KDM1A: variants seen among roughly 807,000 people sequenced by gnomAD.
KDM1A encodes the protein lysine demethylase 1A.
Under a neutral mutation model 109.4 loss-of-function variants are expected in KDM1A, and 49 were observed. That is an observed-to-expected ratio of 0.45 (90% CI 0.36 to 0.57). KDM1A has a LOEUF of 0.57. Ranked by LOEUF, KDM1A falls within the 20% of genes least tolerant of loss-of-function variation. The probability of loss-of-function intolerance (pLI) is 0.00; values close to 1 mark genes in which losing one functional copy is unlikely to be tolerated. For missense variants in KDM1A, 668 were observed against 1,116.6 expected (o/e 0.60, Z 5.73); for synonymous variants, 380 against 415.4 (o/e 0.91, Z 1.04).
In KDM1A at chr1:23,083,336, T is replaced by A; in HGVS notation, c.2603T>A (p.Val868Asp). The A allele has an allele frequency of 3.7e-6, 6 of 1,613,626 alleles. No homozygotes were observed. Among genetic ancestry groups the A allele is most frequent in the Non-Finnish European group, 5.1e-6 (6 of 1,179,878 alleles). ...YTLPRQATPG[V>D]PAQQSPSM ...CTGCCTCGCCAGGCCACACCAGGTG[T>A]TCCTGCACAGCAGTCCCCAAGCATG... Residue 868 changes from valine (V) to aspartate (D), a missense_variant, in exon 21 of 21, where the codon GTT becomes GAT. Around this residue, in one of 8 missense-constraint regions of KDM1A, gnomAD observed 69 missense variants for 99.6 expected, o/e 0.69. Coordinates refer to ENST00000400181, the MANE Select transcript of KDM1A (RefSeq NM_001009999.3).
At chr1:23,063,623 C>T (rs1300119418) in intron 9 of KDM1A, among the ~76,000 whole-genome samples, 2 of 152,150 alleles carry the variant, frequency 1.3e-5, no homozygotes, top group Non-Finnish European at 2.9e-5. Context: ...TCATGCCTTC[C>T]TTTAATGGTC....
rs981661791 is a variant in KDM1A at position 23,030,406 on chromosome 1, A to G, written c.352-63A>G. ...CAATTTACATTGACTGATGGTTCCA[A>G]ATAGAGTCCCTAATTTTAAATGTTC... On this transcript the variant is annotated intron_variant, in intron 1 of 20. Transcript: ENST00000400181. The G allele has an allele frequency of 6.3e-6, 8 of 1,260,888 alleles. 1 individual carries two copies. In the South Asian group the frequency reaches 1.3e-4, roughly 20 times the overall value. 78.1% of individuals were successfully genotyped at this position (1,260,888 alleles called of 1,614,324 possible).
At chr1:23,057,182 G>C (rs1305696870) in intron 7 of KDM1A, among the ~76,000 whole-genome samples, 1 of 152,190 alleles carries the variant, frequency 6.6e-6, no homozygotes, top group Non-Finnish European at 1.5e-5. Flanking sequence ...ACTGGATAGA[G>C]TGGTACCTGT....
intron 3 of KDM1A, among the ~76,000 whole-genome samples, chr1:23,044,769 A>G (rs1166339203): frequency 1.3e-5 from 2 of 152,126 alleles, no homozygotes; most frequent in Non-Finnish European, 2.9e-5. Context: ...AGTAAACATG[A>G]TATAGAACAT....
In KDM1A at chr1:23,055,135, T is replaced by A. The variant is rs1642789722; in HGVS notation, c.857T>A (p.Ile286Asn). Residue 286 changes from isoleucine (I) to asparagine (N), a missense_variant, in exon 6 of 21, where the codon ATC becomes AAC. Physicochemically the swap from Ile to Asn is moderately radical, Grantham distance 149. Coordinates refer to ENST00000400181, the MANE Select transcript of KDM1A (RefSeq NM_001009999.3). The part of the protein sequence containing the change: ...LERHGLINFG[I>N]YKRIKPLPTK... The stretch of plus-strand genomic sequence containing the variant: ...CGTCATGGTCTTATCAACTTCGGCA[T>A]CTATAAGAGGATAAAACCCCTACCA... 6.2e-7 allele frequency: 1 copy of A among 1,611,238 alleles called. No individual in the cohort carries two copies.
intron 3 of KDM1A, among the ~76,000 whole-genome samples, chr1:23,047,395 G>A (rs1447204659): frequency 6.6e-6 from 1 of 152,218 alleles, no homozygotes; most frequent in East Asian, 1.9e-4. Context: ...TTTCTTAGAT[G>A]CTGTTTAGAA....
chr1:23,045,926 A>G (rs962266184), intron 3 of KDM1A, among the ~76,000 whole-genome samples: 1 of 152,184 alleles, frequency 6.6e-6, no homozygotes, highest in Middle Eastern at 3.2e-3. Flanking sequence ...TAAGAGATCA[A>G]CATTCTTCTC....
intron 1 of KDM1A, among the ~76,000 whole-genome samples, chr1:23,025,531 T>A (rs1641769650): frequency 6.6e-6 from 1 of 152,070 alleles, no homozygotes; most frequent in Admixed American, 6.6e-5. Context: ...GGTTTCACCA[T>A]GTTGGTAAGG....
chr1:23,051,548 AT>A (rs1642670869), intron 4 of KDM1A, among the ~76,000 whole-genome samples: 1 of 151,922 alleles, frequency 6.6e-6, no homozygotes, highest in Non-Finnish European at 1.5e-5. Flanking sequence ...GTTCTTTTTC[AT>A]TTCTTGGATT....
chr1:23,065,282 G>C (rs2235549), intron 9 of KDM1A, among the ~76,000 whole-genome samples: 22 of 151,990 alleles, frequency 1.4e-4, no homozygotes, highest in African/African-American at 5.3e-4. Context: ...GTAGTTTGGG[G>C]TTGTTGGGAT....
intron 1 of KDM1A, among the ~76,000 whole-genome samples, chr1:23,025,658 A>G (rs1641774109): frequency 6.6e-6 from 1 of 152,190 alleles, no homozygotes; most frequent in South Asian, 2.1e-4. Flanking sequence ...AGAATAATTA[A>G]GAAATAATCT....
At chr1:23,073,269 T>G in intron 14 of KDM1A, 23 bp from the exon 15 acceptor site, 1 of 1,199,506 alleles carries the variant, frequency 8.3e-7, no homozygotes, top group Non-Finnish European at 1.2e-6. Context: ...TTAATAATCC[T>G]GTAGTCCTTT....
At chr1:23,028,915 T>A (rs1437965791) in intron 1 of KDM1A, among the ~76,000 whole-genome samples, 2 of 152,192 alleles carry the variant, frequency 1.3e-5, no homozygotes, top group Non-Finnish European at 2.9e-5. Context: ...ATAATTGTTT[T>A]CTCCATTGTA....
At chr1:23,071,501 A>G (rs1381916268) in intron 13 of KDM1A, 142 bp downstream of exon 13, 4 of 715,654 alleles carry the variant, frequency 5.6e-6, no homozygotes, top group Non-Finnish European at 6.8e-6. Flanking sequence ...ATAAGGAGCC[A>G]TGGGGATTTA....
intron 1 of KDM1A, among the ~76,000 whole-genome samples, chr1:23,025,107 T>G (rs962083133): frequency 8.5e-5 from 13 of 152,234 alleles, no homozygotes; most frequent in African/African-American, 3.1e-4. Context: ...TATGGTAGCC[T>G]GTAGCCACAT....
chr1:23,082,379 C>G lies in KDM1A; in HGVS notation c.2445+13C>G. 1 of 1,606,820 alleles carries G rather than the reference C, an allele frequency of 6.2e-7. No homozygotes were observed. The highest frequency in any genetic ancestry group is 8.5e-7 in the Non-Finnish European group (1 of 1,175,894). On this transcript the variant is annotated intron_variant, in intron 20 of 20. Transcript: ENST00000400181. The stretch of plus-strand genomic sequence containing the variant: ...AGGTGCCCCACAGGTGAGAAGCTGG[C>G]AAACTATCTGGGCTTATTTGGGAAG...
chr1:23,080,861 A>G (rs752594689), intron 18 of KDM1A: 3 of 152,390 alleles, frequency 2.0e-5, no homozygotes, highest in Middle Eastern at 3.4e-3. Context: ...CGTGTAGCCT[A>G]CGTTTTTCTT....
At chr1:23,047,629 C>T (rs1642539172) in intron 3 of KDM1A, among the ~76,000 whole-genome samples, 1 of 152,166 alleles carries the variant, frequency 6.6e-6, no homozygotes, top group South Asian at 2.1e-4. Flanking sequence ...AGGCCAGGCG[C>T]ATTGGCTCAT....
chr1:23,071,245 A>T lies in KDM1A; in HGVS notation c.1434A>T (p.Lys478Asn), dbSNP rs922690715. 1.3e-6 allele frequency: 2 copies of T among 1,599,348 alleles called. No individual in the cohort carries two copies. Among genetic ancestry groups the T allele is most frequent in the Admixed American group, 1.8e-5 (1 of 56,002 alleles). ...CTTAGATGGTAAATTTGAAAGAGAA[A>T]ATTAAAGAACTCCATCAGCAATACA... ...LLNKMVNLKE[K>N]IKELHQQYKE... The change falls in exon 13 of 21, where the codon AAA becomes AAT. Residue 478 changes from lysine (K) to asparagine (N), a missense_variant. Around this residue, in one of 8 missense-constraint regions of KDM1A, gnomAD observed 62 missense variants for 82.8 expected, o/e 0.75. Coordinates refer to ENST00000400181, the MANE Select transcript of KDM1A (RefSeq NM_001009999.3).
Sources: allele counts gnomAD v4.1 joint callset (sites outside exome capture counted in the v4.1 genomes callset), GRCh38; gene constraint gnomAD v4.1.1; regional missense constraint gnomAD v4.1.1; transcripts MANE v1.5; gene names NCBI Gene and HGNC (gene_info 2026-07-23, HGNC 2026-07-21).